The following ANXA4 variants were observed in gnomAD, a reference collection of about 807,000 sequenced individuals.
ANXA4 encodes 35-beta calcimedin.
A neutral mutation model predicts 49.8 loss-of-function variants in ANXA4; 39 were observed. The ratio of observed to expected loss-of-function variants is 0.78; its 90% CI spans 0.61 to 1.02. The LOEUF (loss-of-function observed/expected upper bound fraction) is 1.02. Among genes scored for constraint, ANXA4 ranks in the 50% least tolerant of loss-of-function variants. The pLI is 0.00. For missense variants in ANXA4, 360 were observed against 410.1 expected (o/e 0.88, Z 1.05); for synonymous variants, 134 against 152.5 (o/e 0.88, Z 0.89).
chr2:69,717,088 G>A (rs1479556583), intron 2 of ANXA4, among the ~76,000 whole-genome samples: 1 of 152,216 alleles, frequency 6.6e-6, no homozygotes, highest in Non-Finnish European at 1.5e-5. Context: ...AGGGGCTGGG[G>A]TGGGGGCTCC....
intron 1 of ANXA4, among the ~76,000 whole-genome samples, chr2:69,749,859 G>T (rs916147792): frequency 5.3e-5 from 8 of 151,452 alleles, no homozygotes; most frequent in Admixed American, 1.3e-4. Context: ...CAGGACGGAG[G>T]TTGCAGTGAG....
At chr2:69,710,704 A>G (rs1678648274) in intron 2 of ANXA4, among the ~76,000 whole-genome samples, 1 of 152,220 alleles carries the variant, frequency 6.6e-6, no homozygotes, top group Admixed American at 6.5e-5. Context: ...ACCCCATGAA[A>G]ATATACTCCA....
chr2:69,812,125 T>TC (rs1479740468), intron 7 of ANXA4, among the ~76,000 whole-genome samples: 1 of 151,258 alleles, frequency 6.6e-6, no homozygotes, highest in Non-Finnish European at 1.5e-5. Context: ...CCCCACCTTT[T>TC]TTTTTTTTTT....
intron 1 of ANXA4, among the ~76,000 whole-genome samples, chr2:69,752,866 C>T (rs1276256756): frequency 6.6e-6 from 1 of 152,178 alleles, no homozygotes; most frequent in Non-Finnish European, 1.5e-5. Flanking sequence ...TCATGGTGTC[C>T]TTAAACTCCC....
chr2:69,679,633 T>C (rs933479129), intron 2 of ANXA4, among the ~76,000 whole-genome samples: 2 of 152,200 alleles, frequency 1.3e-5, no homozygotes, highest in Non-Finnish European at 2.9e-5. Flanking sequence ...TAGCTTTTAG[T>C]TGTAGGTCTT....
chr2:69,763,912 C>T (rs753246357), intron 1 of ANXA4, among the ~76,000 whole-genome samples: 97 of 152,272 alleles, frequency 6.4e-4, no homozygotes, highest in Admixed American at 1.4e-3. Context: ...CTGCCCTCCT[C>T]GGCCTCCCAA....
Position 69,816,193 on chromosome 2 carries a change from T to C in ANXA4, c.627T>C (p.His209=). 2 of 1,613,684 alleles carry C rather than the reference T, an allele frequency of 1.2e-6. No individual in the cohort carries two copies. Among genetic ancestry groups the C allele is most frequent in the Non-Finnish European group, 1.7e-6 (2 of 1,179,584 alleles). The change falls in exon 9 of 13, where the codon CAT becomes CAC. Residue 209 remains histidine (H), a splice_region_variant and synonymous_variant. Coordinates refer to ENST00000394295, the MANE Select transcript of ANXA4 (RefSeq NM_001153.5). Reference sequence around the variant, plus strand: ...CCCGGAACCGAAATCACCTGTTGCATGGTAAGGCACTTACTTCATTTCCCA... The same window carrying C: ...CCCGGAACCGAAATCACCTGTTGCACGGTAAGGCACTTACTTCATTTCCCA... ...LCSRNRNHLL[H]VFDEYKRISQ...
intron 1 of ANXA4, among the ~76,000 whole-genome samples, chr2:69,645,186 G>A (rs1675959002): frequency 6.6e-6 from 1 of 152,140 alleles, no homozygotes; most frequent in Non-Finnish European, 1.5e-5. Flanking sequence ...CTGTGACTGG[G>A]TTAACAGTAG....
chr2:69,714,096 TG>T (rs1678785140), intron 2 of ANXA4, among the ~76,000 whole-genome samples: 1 of 152,224 alleles, frequency 6.6e-6, no homozygotes, highest in Admixed American at 6.5e-5. Context: ...TCCAGGCTTT[TG>T]AAGACATCTG....
intron 1 of ANXA4, among the ~76,000 whole-genome samples, chr2:69,776,056 C>A (rs768317103): frequency 2.6e-5 from 4 of 152,018 alleles, no homozygotes; most frequent in Non-Finnish European, 5.9e-5. Context: ...TCACTGCAGC[C>A]TCCACTTCTG....
At chr2:69,727,548 C>T (rs1669995355) in intron 3 of ANXA4, among the ~76,000 whole-genome samples, 1 of 152,082 alleles carries the variant, frequency 6.6e-6, no homozygotes, top group Non-Finnish European at 1.5e-5. Context: ...TTTTGATATT[C>T]TGTTTTATAA....
chr2:69,710,794 G>A (rs72901452), intron 2 of ANXA4, among the ~76,000 whole-genome samples: 11,683 of 152,130 alleles, frequency 0.077, 1,206 homozygotes, highest in African/African-American at 0.23. Flanking sequence ...TTTTTAACTG[G>A]CAATACAAAG....
chr2:69,802,873 T>C (rs1673274310), intron 3 of ANXA4, among the ~76,000 whole-genome samples: 1 of 151,710 alleles, frequency 6.6e-6, no homozygotes, highest in South Asian at 2.1e-4. Flanking sequence ...GAGAAATTGA[T>C]TGTTATATGG....
At chr2:69,671,025 CAAAAA>C (rs762968256) in intron 2 of ANXA4, among the ~76,000 whole-genome samples, 1 of 32,546 alleles carries the variant, frequency 3.1e-5, no homozygotes, top group Non-Finnish European at 6.3e-5. Flanking sequence ...GACTCCATCT[CAAAAA>C]AAAAAAAAAA....
chr2:69,820,816 A>C lies in ANXA4; in HGVS notation c.901A>C (p.Ile301Leu), dbSNP rs140968278. The C allele has an allele frequency of 2.2e-3, 3,553 of 1,613,950 alleles. 9 individuals carry two copies. The highest frequency in any genetic ancestry group is 2.8e-3 in the Non-Finnish European group (3,272 of 1,179,890). Residue 301 changes from isoleucine to leucine, a missense_variant, in exon 12 of 13, where the codon ATC becomes CTC. Physicochemically the swap from Ile to Leu is conservative, Grantham distance 5. Coordinates refer to ENST00000394295, the MANE Select transcript of ANXA4 (RefSeq NM_001153.5). ...RLYGKSLYSF[I>L]KGDTSGDYRK... Reference sequence around the variant, plus strand: ...CTATGGAAAGTCTCTGTACTCGTTCATCAAGGTAGGTCACAGCAGCCTAAG... The same window carrying C: ...CTATGGAAAGTCTCTGTACTCGTTCCTCAAGGTAGGTCACAGCAGCCTAAG...
At chr2:69,658,028 G>T (rs1344537395) in intron 2 of ANXA4, among the ~76,000 whole-genome samples, 18 of 151,956 alleles carry the variant, frequency 1.2e-4, no homozygotes, top group Admixed American at 9.8e-4. Flanking sequence ...AATACTCAAA[G>T]GTTTTATTCT....
At chr2:69,674,237 G>C (rs114061361) in intron 2 of ANXA4, 113 of 152,302 alleles carry the variant, frequency 7.4e-4, no homozygotes, top group Middle Eastern at 3.4e-3. Context: ...TGGCCCGTTT[G>C]CAGGAAGCTG....
chr2:69,771,530 T>G (rs905833703), intron 1 of ANXA4, among the ~76,000 whole-genome samples: 1 of 152,248 alleles, frequency 6.6e-6, no homozygotes, highest in Non-Finnish European at 1.5e-5. Context: ...TAGGGAAGTA[T>G]CTACTTTGCC....
At chr2:69,740,095 A>C (rs1054678917), upstream of ANXA4, among the ~76,000 whole-genome samples, 7 of 152,232 alleles carry the variant, frequency 4.6e-5, no homozygotes, top group Admixed American at 3.9e-4. Context: ...ATGAAGGGGC[A>C]GTGACCTGGG....
Sources: gnomAD v4.1 joint callset for allele counts (sites outside exome capture counted in the v4.1 genomes callset) on GRCh38, gnomAD v4.1.1 for gene constraint, MANE v1.5 for transcripts, NCBI Gene and HGNC (gene_info 2026-07-23, HGNC 2026-07-21) for gene names.